The following DAB1 variants were observed in gnomAD, a reference collection of about 807,000 sequenced individuals.
The protein encoded by DAB1 is DAB adaptor protein 1, also known as disabled homolog 1.
DAB1 carries 15 observed loss-of-function variants against 64.6 expected under a neutral mutation model. The observed-to-expected ratio is 0.23, with a 90% CI of 0.16 to 0.36. The LOEUF (loss-of-function observed/expected upper bound fraction) is 0.36. DAB1 is among the 10% of genes least tolerant of loss of function. DAB1 has a pLI of 1.00. For synonymous variants in DAB1, 235 were observed against 251.9 expected (o/e 0.93, Z 0.64); for missense variants, 596 against 706.7 (o/e 0.84, Z 1.78).
intron 6 of DAB1, among the ~76,000 whole-genome samples, chr1:57,731,307 C>T (rs1240503808): frequency 6.6e-6 from 1 of 151,946 alleles, no homozygotes; most frequent in African/African-American, 2.4e-5. Context: ...TGGTGGTTTC[C>T]AGGGGACAGG....
intron 1 of DAB1, among the ~76,000 whole-genome samples, chr1:58,543,582 A>G (rs1646655167): frequency 6.6e-6 from 1 of 152,198 alleles, no homozygotes; most frequent in South Asian, 2.1e-4. Context: ...CTAGAGCTAA[A>G]GCATTATTTC....
intron 6 of DAB1, among the ~76,000 whole-genome samples, chr1:57,781,122 CTCTCTATA>C (rs1481622646): frequency 5.2e-4 from 23 of 43,874 alleles, no homozygotes; most frequent in East Asian, 1.8e-3. Flanking sequence ...CTCTCTCTCT[CTCTCTATA>C]TATATATATA....
chr1:57,561,810 C>G (rs1188972940), intron 7 of DAB1, among the ~76,000 whole-genome samples: 1 of 152,214 alleles, frequency 6.6e-6, no homozygotes, highest in African/African-American at 2.4e-5. Context: ...GCAGCAGAGA[C>G]CAACACTGAG....
chr1:58,406,151 C>A (rs2100567824), intron 3 of DAB1, among the ~76,000 whole-genome samples: 1 of 152,250 alleles, frequency 6.6e-6, no homozygotes, highest in East Asian at 1.9e-4. Flanking sequence ...CACCAGAACC[C>A]CAGGTGGGTG....
chr1:57,613,659 G>T (rs1219507140), intron 7 of DAB1, among the ~76,000 whole-genome samples: 3 of 152,140 alleles, frequency 2.0e-5, no homozygotes, highest in African/African-American at 7.2e-5. Context: ...AAATAATACT[G>T]CAAGAGAAAC....
intron 7 of DAB1, among the ~76,000 whole-genome samples, chr1:57,541,885 C>G (rs556248763): frequency 9.2e-5 from 14 of 152,138 alleles, no homozygotes; most frequent in Admixed American, 7.9e-4. Flanking sequence ...AGTCACTTTC[C>G]TAAGGTTGCA....
In DAB1 at chr1:57,561,821, C is replaced by T. The variant is rs142063895; in HGVS notation, n.625+87771G>A. ...ACCAGCAGCAGAGACCAACACTGAGCCCTCGATATGGCACCATTCCTTGCA... is the reference window on the plus strand; with the variant it reads ...ACCAGCAGCAGAGACCAACACTGAGTCCTCGATATGGCACCATTCCTTGCA... On this transcript the variant is annotated intron_variant and non_coding_transcript_variant, in intron 7 of 20. Transcript: ENST00000485760. 5.2e-3 allele frequency among the ~76,000 whole-genome samples: 790 copies of T among 152,318 alleles called. 5 individuals are homozygous for T. The highest frequency in any genetic ancestry group is 9.3e-3 in the Non-Finnish European group (634 of 68,036).
intron 5 of DAB1, among the ~76,000 whole-genome samples, chr1:57,910,513 C>T (rs1008614172): frequency 1.3e-5 from 2 of 152,102 alleles, no homozygotes; most frequent in Admixed American, 1.3e-4. Context: ...AACAAACAGT[C>T]AACTGTGTGC....
At chr1:58,043,138 C>A (rs1647164181) in intron 5 of DAB1, among the ~76,000 whole-genome samples, 1 of 152,208 alleles carries the variant, frequency 6.6e-6, no homozygotes, top group Non-Finnish European at 1.5e-5. Flanking sequence ...CTGTGCTGCT[C>A]TTTCCAAACT....
intron 1 of DAB1, among the ~76,000 whole-genome samples, chr1:57,844,897 C>T (rs1478871077): frequency 6.6e-6 from 1 of 152,184 alleles, no homozygotes; most frequent in African/African-American, 2.4e-5. Flanking sequence ...CCCCCGCCAG[C>T]TCCTTCAGCC....
intron 4 of DAB1, among the ~76,000 whole-genome samples, chr1:58,209,748 T>C (rs1165868452): frequency 6.6e-6 from 1 of 152,222 alleles, no homozygotes; most frequent in Non-Finnish European, 1.5e-5. Flanking sequence ...AAAATAGTTA[T>C]GTAGCCCCTA....
At chr1:57,232,376 A>G (rs1667748677) in intron 2 of DAB1, among the ~76,000 whole-genome samples, 1 of 148,102 alleles carries the variant, frequency 6.8e-6, no homozygotes, top group Non-Finnish European at 1.5e-5. Flanking sequence ...AGCTTCATAG[A>G]TATTCATGTA....
rs1002228258 is a variant in DAB1 at position 56,995,417 on chromosome 1, G to T, written c.*2727C>A. 1 of 152,176 alleles carries T rather than the reference G, an allele frequency of 6.6e-6. No homozygotes were observed. Among genetic ancestry groups the T allele is most frequent in the African/African-American group, 2.4e-5 (1 of 41,454 alleles). The allele number at this position is 152,176 out of a possible 1,614,324, so 9.4% of individuals were successfully genotyped here. ...GTGCTTGGAAAAAAATCAGAATTCT[G>T]CCAATGAGAATATGGATGGCAGTTG... is the stretch of plus-strand genomic sequence containing the variant. On this transcript the variant is annotated 3_prime_UTR_variant, in exon 15 of 15. Transcript: ENST00000371236.
intron 3 of DAB1, among the ~76,000 whole-genome samples, chr1:58,380,431 T>G (rs1375628685): frequency 1.3e-5 from 2 of 152,202 alleles, no homozygotes; most frequent in Admixed American, 6.5e-5. Context: ...TTAAACCTGT[T>G]TTCTTCATGA....
intron 1 of DAB1, among the ~76,000 whole-genome samples, chr1:57,827,989 A>G (rs1303645704): frequency 6.6e-6 from 1 of 152,190 alleles, no homozygotes; most frequent in Non-Finnish European, 1.5e-5. Context: ...TCTGTCGCCC[A>G]GGCTGGAGTG....
chr1:57,041,056 C>T (rs1163340119), intron 9 of DAB1, among the ~76,000 whole-genome samples: 1 of 152,164 alleles, frequency 6.6e-6, no homozygotes, highest in Non-Finnish European at 1.5e-5. Flanking sequence ...CAGGCTCAGG[C>T]TGAATGCAGA....
intron 5 of DAB1, among the ~76,000 whole-genome samples, chr1:58,066,543 T>C (rs1168206083): frequency 1.3e-5 from 2 of 152,188 alleles, no homozygotes; most frequent in Non-Finnish European, 2.9e-5. Flanking sequence ...ATTCTCATAA[T>C]CTCACAACCA....
intron 1 of DAB1, among the ~76,000 whole-genome samples, chr1:57,312,619 T>G (rs373057494): frequency 2.0e-5 from 3 of 152,282 alleles, no homozygotes; most frequent in Admixed American, 1.3e-4. Flanking sequence ...ATCCAGGATC[T>G]GATTTAGTTG....
At position 58,071,862 on chromosome 1, in the gene DAB1, A is replaced by C. The variant is rs370006298; in HGVS notation, n.387+78649T>G. Among the ~76,000 whole-genome samples the C allele has an allele frequency of 1.6e-4, 25 of 152,164 alleles. 1 individual carries two copies. The highest frequency in any genetic ancestry group is 7.7e-4 in the East Asian group (4 of 5,192). Reference sequence around the variant, plus strand: ...CTTGTGAATTCATCATTCACTCTACAAATATTTATAGAGCATTTATTATTT... The same window carrying C: ...CTTGTGAATTCATCATTCACTCTACCAATATTTATAGAGCATTTATTATTT... On this transcript the variant is annotated intron_variant and non_coding_transcript_variant, in intron 5 of 20. Transcript: ENST00000485760.
Sources: gnomAD v4.1 joint callset for allele counts (sites outside exome capture counted in the v4.1 genomes callset) on GRCh38, gnomAD v4.1.1 for gene constraint, MANE v1.5 for transcripts, NCBI Gene and HGNC (gene_info 2026-07-23, HGNC 2026-07-21) for gene names.